MLLT3: variants seen among roughly 807,000 people sequenced by gnomAD.
MLLT3 encodes the protein protein AF-9.
Under a neutral mutation model 53.2 loss-of-function variants are expected in MLLT3, and 4 were observed. The observed-to-expected ratio is 0.08, with a 90% CI of 0.04 to 0.17. The LOEUF (loss-of-function observed/expected upper bound fraction) is 0.17. Among genes scored for constraint, MLLT3 ranks in the 10% least tolerant of loss-of-function variants. The probability of loss-of-function intolerance (pLI) is 1.00; values close to 1 mark genes in which losing one functional copy is unlikely to be tolerated. For synonymous variants in MLLT3, 283 were observed against 230.6 expected (o/e 1.23, Z -2.06); for missense variants, 569 against 684.0 (o/e 0.83, Z 1.87).
intron 9 of MLLT3, among the ~76,000 whole-genome samples, chr9:20,353,838 T>C (rs1004728312): frequency 2.0e-5 from 3 of 152,204 alleles, no homozygotes; most frequent in Non-Finnish European, 4.4e-5. Flanking sequence ...TTGGACTTAA[T>C]TGCTCTTATG....
At chr9:20,348,734 C>A (rs1820938592) in intron 10 of MLLT3, among the ~76,000 whole-genome samples, 1 of 152,194 alleles carries the variant, frequency 6.6e-6, no homozygotes, top group Admixed American at 6.5e-5. Context: ...ATGTATCCAA[C>A]AAGATCTTAT....
At chr9:20,436,864 G>GA (rs1302465622) in intron 4 of MLLT3, among the ~76,000 whole-genome samples, 1 of 152,048 alleles carries the variant, frequency 6.6e-6, no homozygotes. Flanking sequence ...TAAAAATAAT[G>GA]AAAGTGTTCA....
intron 2 of MLLT3, among the ~76,000 whole-genome samples, chr9:20,610,736 A>G (rs1820680856): frequency 6.6e-6 from 1 of 152,130 alleles, no homozygotes; most frequent in African/African-American, 2.4e-5. Flanking sequence ...AAGAGAAGGG[A>G]GTGTTGGTCT....
intron 3 of MLLT3, among the ~76,000 whole-genome samples, chr9:20,455,729 T>C (rs962093156): frequency 6.6e-6 from 1 of 152,144 alleles, no homozygotes; most frequent in Non-Finnish European, 1.5e-5. Context: ...ATAATTAGCA[T>C]TTTGAAGTGC....
In MLLT3 at chr9:20,345,326, G is replaced by T. The variant is rs575619845; in HGVS notation, c.*1117C>A. On this transcript the variant is annotated 3_prime_UTR_variant, in exon 11 of 11. Coordinates refer to ENST00000380338, the MANE Select transcript of MLLT3 (RefSeq NM_004529.4). ...GATTTTAATTTTTTCAAATATAAAA[G>T]TGTCTAAGAGAATCATATGTGAACA... 3.3e-5 allele frequency: 7 copies of T among 211,080 alleles called. No homozygotes were observed. The South Asian group carries it at 1.3e-3, about 40-fold the overall frequency. 13.1% of individuals were successfully genotyped at this position (211,080 alleles called of 1,614,324 possible).
intron 2 of MLLT3, among the ~76,000 whole-genome samples, chr9:20,617,247 A>T (rs1820853674): frequency 6.6e-6 from 1 of 152,200 alleles, no homozygotes; most frequent in African/African-American, 2.4e-5. Context: ...AGTATTAGTT[A>T]CCTTGATAAA....
At chr9:20,439,720 C>T (rs983160080) in intron 4 of MLLT3, among the ~76,000 whole-genome samples, 1 of 152,124 alleles carries the variant, frequency 6.6e-6, no homozygotes, top group Non-Finnish European at 1.5e-5. Context: ...TGTTTAAAAT[C>T]TATGCGTTAT....
chr9:20,611,349 C>T (rs1008861906), intron 2 of MLLT3, among the ~76,000 whole-genome samples: 1 of 152,044 alleles, frequency 6.6e-6, no homozygotes, highest in Non-Finnish European at 1.5e-5. Context: ...CCCTACTCTC[C>T]AAGCCACTGC....
intron 2 of MLLT3, among the ~76,000 whole-genome samples, chr9:20,541,062 G>C (rs935016954): frequency 1.5e-4 from 23 of 152,042 alleles, no homozygotes; most frequent in Non-Finnish European, 3.2e-4. Context: ...CTAGGGCAGG[G>C]GTAAAATGCC....
chr9:20,457,048 T>C (rs1823987272), intron 2 of MLLT3, among the ~76,000 whole-genome samples: 1 of 152,122 alleles, frequency 6.6e-6, no homozygotes, highest in Non-Finnish European at 1.5e-5. Flanking sequence ...ACCATGATTA[T>C]TAATGAGTGA....
chr9:20,529,240 C>T (rs1264204604), intron 2 of MLLT3, among the ~76,000 whole-genome samples: 1 of 152,166 alleles, frequency 6.6e-6, no homozygotes, highest in African/African-American at 2.4e-5. Flanking sequence ...ACTAGCCCAA[C>T]AGAATAACAA....
chr9:20,509,868 T>A lies in MLLT3; in HGVS notation c.194-53082A>T, dbSNP rs1394059499. 2.0e-5 allele frequency among the ~76,000 whole-genome samples: 3 copies of A among 147,532 alleles called. No homozygotes were observed. The East Asian group carries it at 5.8e-4, about 29-fold the overall frequency. On this transcript the variant is annotated intron_variant, in intron 2 of 10. Coordinates refer to ENST00000380338, the MANE Select transcript of MLLT3 (RefSeq NM_004529.4). ...CACAGTATAATGATCAGGGTACAATTATTATTTTTTTTTTTTTACATCTGA... is the reference window on the plus strand; with the variant it reads ...CACAGTATAATGATCAGGGTACAATAATTATTTTTTTTTTTTTACATCTGA...
At chr9:20,557,686 TATA>T (rs1819096898) in intron 2 of MLLT3, among the ~76,000 whole-genome samples, 1 of 152,194 alleles carries the variant, frequency 6.6e-6, no homozygotes, top group African/African-American at 2.4e-5. Context: ...CTAGTGAGAA[TATA>T]ATACGGTCCA....
At position 20,593,480 on chromosome 9, in the gene MLLT3, T is replaced by G. The variant is rs185532666; in HGVS notation, c.193+27174A>C. Among the ~76,000 whole-genome samples, 552 of 152,336 alleles carry G rather than the reference T, an allele frequency of 3.6e-3. 3 individuals carry two copies. Among genetic ancestry groups the G allele is most frequent in the African/African-American group, 0.011 (454 of 41,576 alleles). ...AAAAATAATTTTTCTTGCTGCACTTTATACAAATAATCACGCCAAGTATAA... is the reference window on the plus strand; with the variant it reads ...AAAAATAATTTTTCTTGCTGCACTTGATACAAATAATCACGCCAAGTATAA... On this transcript the variant is annotated intron_variant, in intron 2 of 10. Transcript: ENST00000380338.
At chr9:20,346,711 G>C (rs1820879860) in intron 10 of MLLT3, 137 bp from the exon 11 acceptor site, 7 of 785,710 alleles carry the variant, frequency 8.9e-6, no homozygotes, top group Non-Finnish European at 1.4e-5. Context: ...CCCATACCAT[G>C]AATAGCATTA....
intron 4 of MLLT3, among the ~76,000 whole-genome samples, chr9:20,432,655 CT>C (rs113168772): frequency 0.12 from 18,515 of 150,922 alleles, 2,939 homozygotes; most frequent in African/African-American, 0.36. Flanking sequence ...AAAAAAATCG[CT>C]TTTTTTTTCA....
chr9:20,562,375 A>C (rs919561554), intron 2 of MLLT3, among the ~76,000 whole-genome samples: 61 of 152,266 alleles, frequency 4.0e-4, no homozygotes, highest in Non-Finnish European at 6.2e-4. Context: ...ACCAAAAAAA[A>C]AAGTTTAGAA....
At chr9:20,397,612 C>T (rs1822354662) in intron 5 of MLLT3, among the ~76,000 whole-genome samples, 1 of 152,094 alleles carries the variant, frequency 6.6e-6, no homozygotes, top group South Asian at 2.1e-4. Context: ...GGAGGCAACC[C>T]ATCAATCTAT....
At chr9:20,522,592 G>A (rs532453007) in intron 2 of MLLT3, among the ~76,000 whole-genome samples, 3 of 152,192 alleles carry the variant, frequency 2.0e-5, no homozygotes, top group South Asian at 2.1e-4. Flanking sequence ...CCCAGTATGC[G>A]CTTGGAGGGG....
Sources: gnomAD v4.1 joint callset for allele counts (sites outside exome capture counted in the v4.1 genomes callset) on GRCh38, gnomAD v4.1.1 for gene constraint, MANE v1.5 for transcripts, NCBI Gene and HGNC (gene_info 2026-07-23, HGNC 2026-07-21) for gene names.